Variants in DEFB121 observed in about 807,000 individuals in gnomAD.
DEFB121 encodes beta-defensin 121.
Under a neutral mutation model 2.5 loss-of-function variants are expected in DEFB121, and 5 were observed. That is an observed-to-expected ratio of 1.96 (90% CI 1.03 to 4.13). The LOEUF is 4.13. DEFB121 is among the 30% of genes most tolerant of loss of function. The pLI is 0.00. For synonymous variants in DEFB121, 39 were observed against 32.6 expected (o/e 1.20, Z -0.67); for missense variants, 87 against 85.0 (o/e 1.02, Z -0.09).
At chr20:31,409,873 T>C (rs1978609061), upstream of DEFB121, among the ~76,000 whole-genome samples, 1 of 152,100 alleles carries the variant, frequency 6.6e-6, no homozygotes, top group South Asian at 2.1e-4. Context: ...AACACAAACC[T>C]AATCTACAGT....
At chr20:31,413,491 G>A (rs1183460442), upstream of DEFB121, among the ~76,000 whole-genome samples, 2 of 152,122 alleles carry the variant, frequency 1.3e-5, no homozygotes, top group East Asian at 3.9e-4. Flanking sequence ...TAAGAACAGA[G>A]GTCTGTTTGT....
chr20:31,406,755 T>C (rs1342771124), upstream of DEFB121, among the ~76,000 whole-genome samples: 2 of 152,158 alleles, frequency 1.3e-5, no homozygotes, highest in African/African-American at 4.8e-5. Context: ...AGCACCCTCA[T>C]AGGTAGCAAA....
upstream of DEFB121, among the ~76,000 whole-genome samples, chr20:31,416,835 CT>C (rs1210523353): frequency 3.3e-5 from 5 of 151,958 alleles, no homozygotes; most frequent in Admixed American, 6.6e-5. Flanking sequence ...TCTATTTGGT[CT>C]TTTTTTTCCT....
chr20:31,417,336 C>T (rs1276656858), upstream of DEFB121, among the ~76,000 whole-genome samples: 3 of 151,868 alleles, frequency 2.0e-5, no homozygotes, highest in East Asian at 5.8e-4. Flanking sequence ...CACAGCCAGA[C>T]CCTGTCTCAA....
upstream of DEFB121, among the ~76,000 whole-genome samples, chr20:31,408,867 A>C (rs970283271): frequency 6.6e-6 from 1 of 152,118 alleles, no homozygotes; most frequent in African/African-American, 2.4e-5. Context: ...CTCTACTAAA[A>C]ATACAAAAAT....
chr20:31,405,311 G>T (rs759433718), intron 1 of DEFB121, among the ~76,000 whole-genome samples: 1 of 151,326 alleles, frequency 6.6e-6, no homozygotes, highest in Non-Finnish European at 1.5e-5. Context: ...CCCCAACTCA[G>T]TGGCATAGGA....
chr20:31,414,521 A>C (rs1978750663), upstream of DEFB121, among the ~76,000 whole-genome samples: 1 of 152,224 alleles, frequency 6.6e-6, no homozygotes, highest in Non-Finnish European at 1.5e-5. Flanking sequence ...GTCAGCCTTT[A>C]AAAATAAGGG....
At chr20:31,413,309 GAAATGTTTTCTAAAT>G (rs1303377524), upstream of DEFB121, among the ~76,000 whole-genome samples, 1 of 152,190 alleles carries the variant, frequency 6.6e-6, no homozygotes, top group Non-Finnish European at 1.5e-5. Context: ...GCACACACAA[GAAATGTTTTCTAAAT>G]AAATCAAATC....
upstream of DEFB121, among the ~76,000 whole-genome samples, chr20:31,408,023 C>T (rs1978542166): frequency 6.6e-6 from 1 of 152,196 alleles, no homozygotes; most frequent in Non-Finnish European, 1.5e-5. Context: ...AGGTGATCCA[C>T]CCGCCTCAGC....
upstream of DEFB121, among the ~76,000 whole-genome samples, chr20:31,415,165 A>G (rs1032792678): frequency 9.9e-5 from 15 of 152,260 alleles, no homozygotes; most frequent in African/African-American, 3.6e-4. Flanking sequence ...TTGTTAAAAC[A>G]GATCTCAACA....
At chr20:31,412,877 C>A (rs112836532), upstream of DEFB121, 748 of 278,036 alleles carry the variant, frequency 2.7e-3, 5 homozygotes, top group African/African-American at 0.016. Context: ...TAACTCTGTT[C>A]GGGCACTGGT....
upstream of DEFB121, chr20:31,406,246 C>A: frequency 1.3e-6 from 2 of 1,553,998 alleles, no homozygotes; most frequent in South Asian, 1.2e-5. Context: ...GTATTTATTG[C>A]CTTGAGGAGC....
At chr20:31,416,490 T>A (rs1978810293), upstream of DEFB121, among the ~76,000 whole-genome samples, 1 of 152,250 alleles carries the variant, frequency 6.6e-6, no homozygotes, top group African/African-American at 2.4e-5. Flanking sequence ...GTTTTGGAAA[T>A]ACAGAGCCAT....
At chr20:31,412,343 G>T (rs952293972) in intron 1 of DEFB121, among the ~76,000 whole-genome samples, 1 of 152,166 alleles carries the variant, frequency 6.6e-6, no homozygotes, top group Admixed American at 6.5e-5. Flanking sequence ...ATCACTAGGG[G>T]TAATGTGGGG....
chr20:31,410,823 TGAGAGAGAGAGA>T (rs72164704), upstream of DEFB121, among the ~76,000 whole-genome samples: 288 of 136,146 alleles, frequency 2.1e-3, 1 homozygote, highest in Middle Eastern at 3.7e-3. Flanking sequence ...CCTTGAAAAA[TGAGAGAGAGAGA>T]GAGAGAGAGA....
chr20:31,412,193 G>C (rs1277188396), intron 1 of DEFB121, among the ~76,000 whole-genome samples: 1 of 152,200 alleles, frequency 6.6e-6, no homozygotes, highest in Non-Finnish European at 1.5e-5. Context: ...TGAAACTTCA[G>C]GCCCAAATAA....
upstream of DEFB121, among the ~76,000 whole-genome samples, chr20:31,410,072 C>T (rs1173148485): frequency 6.6e-6 from 1 of 152,014 alleles, no homozygotes; most frequent in Non-Finnish European, 1.5e-5. Flanking sequence ...AAAACCTGTG[C>T]AAATAGTTTT....
upstream of DEFB121, among the ~76,000 whole-genome samples, chr20:31,409,118 T>TA (rs1010927256): frequency 1.3e-5 from 2 of 152,252 alleles, no homozygotes; most frequent in Admixed American, 1.3e-4. Flanking sequence ...TTCTCTATTT[T>TA]AAAAAAACTT....
chr20:31,414,436 A>G (rs1270714301), upstream of DEFB121, among the ~76,000 whole-genome samples: 1 of 152,250 alleles, frequency 6.6e-6, no homozygotes, highest in Admixed American at 6.5e-5. Flanking sequence ...TAGCCAAGAT[A>G]TGGAAACAAG....
Sources: allele counts gnomAD v4.1 joint callset (sites outside exome capture counted in the v4.1 genomes callset), GRCh38; gene constraint gnomAD v4.1.1; transcripts MANE v1.5; gene names NCBI Gene and HGNC (gene_info 2026-07-23, HGNC 2026-07-21).